MACF1: variants seen among roughly 807,000 people sequenced by gnomAD.
The protein encoded by MACF1 is microtubule actin crosslinking factor 1, also known as microtubule-actin cross-linking factor 1.
A neutral mutation model predicts 854.8 loss-of-function variants in MACF1; 193 were observed. The ratio of observed to expected loss-of-function variants is 0.23; its 90% CI spans 0.20 to 0.25. MACF1 has a LOEUF of 0.25. MACF1 is among the 10% of genes least tolerant of loss of function. The pLI is 1.00. For missense variants in MACF1, 7,722 were observed against 8,929.1 expected (o/e 0.86, Z 5.45); for synonymous variants, 3,185 against 3,226.7 (o/e 0.99, Z 0.44).
chr1:39,410,360 A>G (rs368665469), intron 58 of MACF1: 253 of 1,614,010 alleles, frequency 1.6e-4, no homozygotes, highest in African/African-American at 3.7e-4. Flanking sequence ...GAGGACTGCT[A>G]TGTTCCACAA....
intron 58 of MACF1, chr1:39,410,790 A>G: frequency 6.2e-7 from 1 of 1,614,026 alleles, no homozygotes; most frequent in Non-Finnish European, 8.5e-7. Flanking sequence ...GTTCTGCATT[A>G]ACAGAAAGTT....
At chr1:39,227,012 C>G (rs1364916782) in intron 1 of MACF1, among the ~76,000 whole-genome samples, 1 of 152,146 alleles carries the variant, frequency 6.6e-6, no homozygotes, top group African/African-American at 2.4e-5. Flanking sequence ...TTTTTCCACC[C>G]TGCCTTCTTA....
chr1:39,443,264 G>A (rs942133321), intron 78 of MACF1, among the ~76,000 whole-genome samples, 182 bp from the exon 79 acceptor site: 3 of 152,156 alleles, frequency 2.0e-5, no homozygotes, highest in Non-Finnish European at 4.4e-5. Context: ...AGTGAGGTCT[G>A]AAGGATTCTG....
chr1:39,463,642 G>T lies in MACF1; in HGVS notation c.21709G>T (p.Ala7237Ser), dbSNP rs1343742435. 22 of 1,613,476 alleles carry T rather than the reference G, an allele frequency of 1.4e-5. No homozygotes were observed. Among genetic ancestry groups the T allele is most frequent in the Non-Finnish European group, 1.8e-5 (21 of 1,179,654 alleles). The change falls in exon 94 of 101, where the codon GCA becomes TCA. Residue 7237 changes from alanine to serine, a missense_variant. This residue lies in a region of MACF1 where 153 missense variants were observed against 342.5 expected (regional missense o/e 0.45). Coordinates refer to ENST00000564288, the MANE Select transcript of MACF1 (RefSeq NM_001394062.1). Reference protein sequence around the residue: ...VTRQVAQCKCAKRFQVEQIGE... With the variant: ...VTRQVAQCKCSKRFQVEQIGE... ...AAGACAAGTGGCTCAGTGCAAATGT[G>T]CAAAAAGGTTTCAGGTGGAGCAGAT... is the stretch of plus-strand genomic sequence containing the variant.
In MACF1 at chr1:39,350,242, G is replaced by T. The variant is rs1460607247; in HGVS notation, c.10966-543G>T. On this transcript the variant is annotated intron_variant, in intron 42 of 100. Coordinates refer to ENST00000564288, the MANE Select transcript of MACF1 (RefSeq NM_001394062.1). ...GCATGAAGAGGTAGGAGGAGGAAGAGAACATACCAGGCAGAGGCTTATATA... is the reference window on the plus strand; with the variant it reads ...GCATGAAGAGGTAGGAGGAGGAAGATAACATACCAGGCAGAGGCTTATATA... 2.0e-5 allele frequency among the ~76,000 whole-genome samples: 3 copies of T among 152,174 alleles called. No individual in the cohort carries two copies. The East Asian group carries it at 5.8e-4, about 29-fold the overall frequency.
At chr1:39,305,149 T>C (rs976262912) in intron 23 of MACF1, among the ~76,000 whole-genome samples, 1 of 151,010 alleles carries the variant, frequency 6.6e-6, no homozygotes, top group Non-Finnish European at 1.5e-5. Flanking sequence ...TGGTCCCAGC[T>C]ACTTAGGAGG....
intron 2 of MACF1, among the ~76,000 whole-genome samples, chr1:39,140,914 CAAAAAAAAAAAAAAAAAA>C (rs34687844): frequency 2.1e-5 from 1 of 48,270 alleles, no homozygotes; most frequent in African/African-American, 8.8e-5. Flanking sequence ...GACTCTGTCT[CAAAAAAAAAAAAAAAAAA>C]AAAAAAAAAA....
rs1199001770 is a variant in MACF1 at position 39,381,994 on chromosome 1, C to T, written c.13690C>T (p.Gln4564Ter). 6.2e-7 allele frequency: 1 copy of T among 1,614,072 alleles called. No homozygotes were observed. Reference protein sequence around the residue: ...ERATEVTVARQRQLEESASHL... With the variant: ...ERATEVTVAR ...GGCCACTGAGGTTACTGTGGCTCGG[C>T]AAAGGCAGCTAGAGGAATCTGCAAG... is the stretch of plus-strand genomic sequence containing the variant. The change falls in exon 56 of 101, where the codon CAA (glutamine) becomes TAA (stop). Residue 4564 changes from glutamine to a stop codon, truncating the protein, a stop_gained. Transcript: ENST00000564288. LOFTEE classifies it high-confidence loss of function.
chr1:39,372,106 AC>A (rs1217312089), intron 51 of MACF1, among the ~76,000 whole-genome samples: 9 of 152,264 alleles, frequency 5.9e-5, no homozygotes, highest in Middle Eastern at 6.8e-3. Flanking sequence ...GGTGTGAACC[AC>A]CATGCCCAGC....
chr1:39,170,974 G>A (rs895884198), intron 2 of MACF1, among the ~76,000 whole-genome samples: 4 of 152,182 alleles, frequency 2.6e-5, no homozygotes, highest in Non-Finnish European at 4.4e-5. Flanking sequence ...CTGCTGTTCT[G>A]GCGCCTGGTA....
intron 2 of MACF1, among the ~76,000 whole-genome samples, chr1:39,094,471 C>T (rs1418712972): frequency 3.3e-5 from 5 of 151,506 alleles, no homozygotes; most frequent in African/African-American, 1.2e-4. Context: ...CCTGTAATCC[C>T]AGCACTTTGG....
chr1:39,444,538 A>G (rs776441565), intron 79 of MACF1, 124 bp from the exon 80 acceptor site: 47 of 748,226 alleles, frequency 6.3e-5, no homozygotes, highest in Admixed American at 1.3e-4. Flanking sequence ...AACTGAATCC[A>G]AAAGAATGGC....
At position 39,114,187 on chromosome 1, in the gene MACF1, T is replaced by G. The variant is rs547689531; in HGVS notation, c.220+29749T>G. Reference sequence around the variant, plus strand: ...AAAGCTCTGTATACTTTACTGTTTTTTTTTTTTTTTTACAATTTTCCACAT... The same window carrying G: ...AAAGCTCTGTATACTTTACTGTTTTGTTTTTTTTTTTACAATTTTCCACAT... On this transcript the variant is annotated intron_variant, in intron 2 of 93. Coordinates refer to the MACF1 transcript ENST00000361689. Among the ~76,000 whole-genome samples the G allele has an allele frequency of 5.8e-3, 874 of 151,720 alleles. 6 individuals carry two copies. Among genetic ancestry groups the G allele is most frequent in the African/African-American group, 0.02 (830 of 41,438 alleles).
intron 2 of MACF1, among the ~76,000 whole-genome samples, chr1:39,176,125 A>AAAAAAAAAAAAAAAAAAAAAAC: frequency 7.6e-6 from 1 of 131,900 alleles, no homozygotes; most frequent in Non-Finnish European, 1.7e-5. Context: ...AAAAAAAAAA[A>AAAAAAAAAAAAAAAAAAAAAAC]AAGCCAGGTG....
chr1:39,403,837 T>G (rs1642576708), intron 58 of MACF1, among the ~76,000 whole-genome samples: 2 of 122,266 alleles, frequency 1.6e-5, no homozygotes, highest in South Asian at 2.3e-4. Context: ...TAAAAATTTT[T>G]GGGCGGGGGG....
rs372305315 is a variant in MACF1, at chr1:39,442,923, A to C, written c.19302+12A>C. The C allele has an allele frequency of 1.9e-6, 3 of 1,611,256 alleles. No individual in the cohort carries two copies. In the African/African-American group the frequency reaches 4.0e-5, roughly 22 times the overall value. On this transcript the variant is annotated intron_variant, in intron 78 of 100. Transcript: ENST00000564288. ...CAACTCTGCAGCAGGTACATGTGAC[A>C]TCCAAGTAAGGTAGGAAGAGCTATA...
At chr1:39,350,315 G>A (rs1297794644) in intron 42 of MACF1, among the ~76,000 whole-genome samples, 1 of 152,140 alleles carries the variant, frequency 6.6e-6, no homozygotes, top group African/African-American at 2.4e-5. Context: ...TTCAAGAACC[G>A]AAAGAAAGCT....
chr1:39,305,290 ATATATATG>A (rs1181173714), intron 23 of MACF1, among the ~76,000 whole-genome samples: 4 of 143,412 alleles, frequency 2.8e-5, no homozygotes, highest in African/African-American at 9.8e-5. Flanking sequence ...GTGTGTGTGT[ATATATATG>A]TATATATGTA....
rs537913978 is a variant in MACF1, at chr1:39,411,853, G to C, written c.15817-10521G>C. On this transcript the variant is annotated intron_variant, in intron 58 of 100. Transcript: ENST00000564288. ...AGGCCTTTTACATGTAAGGGCAAAA[G>C]ATTATGATACTAGATTGGATTGTGG... 7 of 1,613,956 alleles carry C rather than the reference G, an allele frequency of 4.3e-6. No homozygotes were observed. In the South Asian group the frequency reaches 6.6e-5, roughly 15 times the overall value.
Sources: allele counts gnomAD v4.1 joint callset (sites outside exome capture counted in the v4.1 genomes callset), GRCh38; gene constraint gnomAD v4.1.1; regional missense constraint gnomAD v4.1.1; transcripts MANE v1.5; gene names NCBI Gene and HGNC (gene_info 2026-07-23, HGNC 2026-07-21).